Variants in TASP1 observed in about 807,000 individuals in gnomAD.
The protein encoded by TASP1 is threonine aspartase 1.
Under a neutral mutation model 56.6 loss-of-function variants are expected in TASP1, and 16 were observed. That is an observed-to-expected ratio of 0.28 (90% confidence interval 0.19 to 0.43). The LOEUF (loss-of-function observed/expected upper bound fraction) is 0.43, where lower values mean the gene tolerates loss of function less well. TASP1 is among the 20% of genes least tolerant of loss of function. The pLI is 1.00. For synonymous variants in TASP1, 179 were observed against 184.2 expected, an observed-to-expected ratio of 0.97 and a Z score of 0.23; for missense variants, 393 against 511.6, an observed-to-expected ratio of 0.77 and a Z score of 2.24.
At chr20:13,628,316 A>G (rs1304305273) in intron 2 of TASP1, among the ~76,000 whole-genome samples, 3 of 152,184 alleles carry the variant, frequency 2.0e-5, no homozygotes, top group Non-Finnish European at 4.4e-5. Flanking sequence ...CACTTTCCAA[A>G]CACTCACTCT....
At chr20:13,355,295 A>G in the TASP1 span, among the ~76,000 whole-genome samples, 3 of 152,214 alleles carry the variant, frequency 2.0e-5, no homozygotes, top group Non-Finnish European at 4.4e-5. Flanking sequence ...AATTAGAGAG[A>G]GAAATTATGG....
chr20:13,563,799 C>T (rs1201975841), intron 7 of TASP1, among the ~76,000 whole-genome samples: 1 of 151,896 alleles, frequency 6.6e-6, no homozygotes, highest in Admixed American at 6.6e-5. Context: ...GCCACTCCAC[C>T]CAGCATGATC....
chr20:13,215,503 G>A, the TASP1 span, among the ~76,000 whole-genome samples: 1 of 152,276 alleles, frequency 6.6e-6, no homozygotes, highest in East Asian at 1.9e-4. Context: ...TATAAGGGTT[G>A]GCTATTTGCA....
At chr20:13,575,771 G>C (rs914362279) in intron 6 of TASP1, among the ~76,000 whole-genome samples, 1 of 152,102 alleles carries the variant, frequency 6.6e-6, no homozygotes, top group Non-Finnish European at 1.5e-5. Flanking sequence ...ACAAAGAAGG[G>C]AATGATGTCC....
the TASP1 span, among the ~76,000 whole-genome samples, chr20:13,290,451 C>A: frequency 6.6e-6 from 1 of 152,150 alleles, no homozygotes; most frequent in Non-Finnish European, 1.5e-5. Flanking sequence ...AGATCGAGAC[C>A]ATCCTGGCTA....
At chr20:13,211,377 T>G in the TASP1 span, among the ~76,000 whole-genome samples, 1 of 152,156 alleles carries the variant, frequency 6.6e-6, no homozygotes, top group Non-Finnish European at 1.5e-5. Flanking sequence ...AAATTTAATT[T>G]GCCATAAATG....
intron 4 of TASP1, among the ~76,000 whole-genome samples, chr20:13,615,546 C>T (rs1185768207): frequency 6.7e-6 from 1 of 149,780 alleles, no homozygotes; most frequent in East Asian, 1.9e-4. Flanking sequence ...GCTCTGTCAC[C>T]CAGGCTGGAG....
chr20:13,426,448 G>A (rs2042620253), intron 12 of TASP1, among the ~76,000 whole-genome samples: 1 of 151,840 alleles, frequency 6.6e-6, no homozygotes, highest in African/African-American at 2.4e-5. Context: ...ATATTTCTTG[G>A]CAAGATAATC....
the TASP1 span, among the ~76,000 whole-genome samples, chr20:13,242,366 GT>G: frequency 2.0e-5 from 3 of 152,154 alleles, no homozygotes; most frequent in Non-Finnish European, 2.9e-5. Flanking sequence ...TGTTTGTTCA[GT>G]TTTTGTTTTT....
chr20:13,122,904 C>T, the TASP1 span, among the ~76,000 whole-genome samples: 1 of 152,152 alleles, frequency 6.6e-6, no homozygotes, highest in Non-Finnish European at 1.5e-5. Context: ...AATGCGTAGT[C>T]ACACAACCTT....
intron 11 of TASP1, among the ~76,000 whole-genome samples, chr20:13,468,275 G>T (rs1433366465): frequency 6.6e-6 from 1 of 152,104 alleles, no homozygotes; most frequent in Non-Finnish European, 1.5e-5. Flanking sequence ...TAAAATACCA[G>T]AAAATCACCA....
chr20:13,355,420 C>T, the TASP1 span, among the ~76,000 whole-genome samples: 1 of 152,152 alleles, frequency 6.6e-6, no homozygotes, highest in African/African-American at 2.4e-5. Context: ...GATGATAGGA[C>T]AATATTACAC....
intron 11 of TASP1, among the ~76,000 whole-genome samples, chr20:13,468,559 T>A (rs2044351657): frequency 6.6e-6 from 1 of 152,180 alleles, no homozygotes; most frequent in Admixed American, 6.5e-5. Flanking sequence ...TTATGAGCAT[T>A]ATAATAATTA....
the TASP1 span, among the ~76,000 whole-genome samples, chr20:13,356,433 T>G: frequency 6.6e-6 from 1 of 152,228 alleles, no homozygotes; most frequent in Admixed American, 6.5e-5. Flanking sequence ...CAGCCCAGCC[T>G]CATAACTTAC....
At chr20:13,434,175 G>A (rs2042924643) in intron 12 of TASP1, among the ~76,000 whole-genome samples, 1 of 152,088 alleles carries the variant, frequency 6.6e-6, no homozygotes, top group Admixed American at 6.6e-5. Flanking sequence ...CTGGTTATAG[G>A]GGGTGGGTTC....
At chr20:13,303,960 A>G in the TASP1 span, among the ~76,000 whole-genome samples, 8 of 152,336 alleles carry the variant, frequency 5.3e-5, no homozygotes, top group South Asian at 1.7e-3. Flanking sequence ...TCTAAAGAGT[A>G]TGTTTCTAGC....
At chr20:13,584,532 TAAAA>T (rs2047235106) in intron 5 of TASP1, among the ~76,000 whole-genome samples, 1 of 151,270 alleles carries the variant, frequency 6.6e-6, no homozygotes, top group Non-Finnish European at 1.5e-5. Context: ...TAAAACTAAT[TAAAA>T]AGAAAGGATA....
the TASP1 span, among the ~76,000 whole-genome samples, chr20:13,159,191 G>A: frequency 6.6e-6 from 1 of 152,214 alleles, no homozygotes; most frequent in African/African-American, 2.4e-5. Context: ...GAAGGATAAA[G>A]GGAAGGAATC....
chr20:13,399,473 C>G (rs1341393867), intron 13 of TASP1, among the ~76,000 whole-genome samples: 1 of 152,104 alleles, frequency 6.6e-6, no homozygotes, highest in African/African-American at 2.4e-5. Context: ...TCACCTTCTT[C>G]CTCACCCTAG....
Sources: gnomAD v4.1 joint callset for allele counts (sites outside exome capture counted in the v4.1 genomes callset) on GRCh38, gnomAD v4.1.1 for gene constraint, MANE v1.5 for transcripts, NCBI Gene and HGNC (gene_info 2026-07-23, HGNC 2026-07-21) for gene names.